CLVS1: variants seen among roughly 807,000 people sequenced by gnomAD.
The protein encoded by CLVS1 is clavesin 1.
Under a neutral mutation model 33.1 loss-of-function variants are expected in CLVS1, and 10 were observed. That is an observed-to-expected ratio of 0.30 (90% CI 0.19 to 0.51). The LOEUF (loss-of-function observed/expected upper bound fraction) is 0.51, where lower values mean the gene tolerates loss of function less well. Ranked by LOEUF, CLVS1 falls within the 20% of genes least tolerant of loss-of-function variation. CLVS1 has a pLI of 0.97. For missense variants in CLVS1, 343 were observed against 433.4 expected, an observed-to-expected ratio of 0.79 and a Z score of 1.85; for synonymous variants, 163 against 166.1, an observed-to-expected ratio of 0.98 and a Z score of 0.14.
chr8:61,428,620 T>C (rs1815986647), intron 3 of CLVS1, among the ~76,000 whole-genome samples: 1 of 152,200 alleles, frequency 6.6e-6, no homozygotes, highest in Non-Finnish European at 1.5e-5. Flanking sequence ...AAAGGCACAT[T>C]CCTCCCCTTA....
intron 2 of CLVS1, among the ~76,000 whole-genome samples, chr8:61,273,573 G>A (rs890428995): frequency 1.9e-4 from 29 of 152,364 alleles, no homozygotes; most frequent in African/African-American, 6.5e-4. Flanking sequence ...GGCAATGGCG[G>A]GCGCCCCTCC....
the CLVS1 span, among the ~76,000 whole-genome samples, chr8:60,997,862 T>C: frequency 1.9e-3 from 290 of 152,182 alleles, no homozygotes; most frequent in Non-Finnish European, 3.7e-3. Flanking sequence ...ATAACTAATG[T>C]TCTAAGATTC....
chr8:61,405,111 T>C (rs985849594), intron 3 of CLVS1, among the ~76,000 whole-genome samples: 2 of 152,232 alleles, frequency 1.3e-5, no homozygotes, highest in African/African-American at 2.4e-5. Context: ...AGTGAATATA[T>C]GCACCAATTC....
At chr8:60,977,022 A>G in the CLVS1 span, among the ~76,000 whole-genome samples, 1 of 152,254 alleles carries the variant, frequency 6.6e-6, no homozygotes, top group Non-Finnish European at 1.5e-5. Flanking sequence ...CCAAACCCTC[A>G]GACACTTTTG....
chr8:61,030,106 C>T, the CLVS1 span, among the ~76,000 whole-genome samples: 95 of 152,274 alleles, frequency 6.2e-4, no homozygotes, highest in Non-Finnish European at 2.1e-4. Context: ...CTAGGCACAC[C>T]CTGGTGGGGA....
At chr8:61,389,864 G>T (rs184766523) in intron 3 of CLVS1, among the ~76,000 whole-genome samples, 51 of 152,330 alleles carry the variant, frequency 3.3e-4, no homozygotes, top group Admixed American at 7.8e-4. Context: ...TTGGTCATTT[G>T]TATATCTTGG....
intron 2 of CLVS1, among the ~76,000 whole-genome samples, chr8:61,211,611 A>G (rs1352139262): frequency 6.6e-6 from 1 of 152,232 alleles, no homozygotes; most frequent in Non-Finnish European, 1.5e-5. Context: ...ACTGTGTGCC[A>G]GGCAATGGTT....
chr8:61,182,152 C>T (rs947873806), intron 2 of CLVS1, among the ~76,000 whole-genome samples: 1 of 152,092 alleles, frequency 6.6e-6, no homozygotes, highest in African/African-American at 2.4e-5. Context: ...AACTGGACCC[C>T]TTCCTTACAC....
intron 3 of CLVS1, among the ~76,000 whole-genome samples, chr8:61,442,790 G>A (rs1329335049): frequency 6.6e-6 from 1 of 152,106 alleles, no homozygotes; most frequent in African/African-American, 2.4e-5. Context: ...AATACAGATG[G>A]GGTTTCACCA....
chr8:61,482,509 A>C (rs1818235879), intron 5 of CLVS1, among the ~76,000 whole-genome samples: 1 of 152,228 alleles, frequency 6.6e-6, no homozygotes, highest in Non-Finnish European at 1.5e-5. Flanking sequence ...AGAAGTCCTT[A>C]AATGACCTAA....
In CLVS1 at chr8:61,288,049, G is replaced by A. The variant is rs1809832378; in HGVS notation, c.-241G>A. 4.4e-6 allele frequency: 2 copies of A among 453,574 alleles called. No individual in the cohort carries two copies. The highest frequency in any genetic ancestry group is 1.6e-5 in the South Asian group (1 of 64,214). The allele number at this position is 453,574 out of a possible 1,614,324, so 28.1% of individuals were successfully genotyped here. A position where few individuals can be genotyped will look rare whatever the true frequency, so the allele number is the denominator to read the frequency against. On this transcript the variant is annotated 5_prime_UTR_variant, in exon 1 of 6. Coordinates refer to ENST00000325897, the MANE Select transcript of CLVS1 (RefSeq NM_173519.3). ...TCTAGAGAAATCTGAGCCCGAACCT[G>A]CCAGAATAGGGGATCTCACCCACCC... is the stretch of plus-strand genomic sequence containing the variant.
intron 2 of CLVS1, among the ~76,000 whole-genome samples, chr8:61,224,452 TG>T (rs1808286392): frequency 6.6e-6 from 1 of 152,168 alleles, no homozygotes; most frequent in Admixed American, 6.5e-5. Flanking sequence ...TGCAGTTTGC[TG>T]GGGGTTCACT....
At chr8:61,448,486 T>G (rs572941171) in intron 3 of CLVS1, among the ~76,000 whole-genome samples, 16 of 152,284 alleles carry the variant, frequency 1.1e-4, no homozygotes, top group Non-Finnish European at 1.8e-4. Context: ...TTTCTATCTT[T>G]CAGTTCACTG....
At chr8:61,427,124 A>T (rs181292738) in intron 3 of CLVS1, among the ~76,000 whole-genome samples, 204 of 152,332 alleles carry the variant, frequency 1.3e-3, no homozygotes, top group African/African-American at 4.5e-3. Context: ...AGTTGATTAG[A>T]GTTTTGTTTG....
At chr8:61,102,764 T>C (rs771077618) in intron 1 of CLVS1, among the ~76,000 whole-genome samples, 8 of 150,664 alleles carry the variant, frequency 5.3e-5, no homozygotes, top group Non-Finnish European at 1.0e-4. Context: ...CTTATGAATA[T>C]AGGAAAAAGG....
chr8:61,426,991 A>G (rs901880886), intron 3 of CLVS1, among the ~76,000 whole-genome samples: 2 of 152,236 alleles, frequency 1.3e-5, no homozygotes, highest in African/African-American at 4.8e-5. Flanking sequence ...GCAAAATAGT[A>G]TCATTTAAAG....
intron 3 of CLVS1, among the ~76,000 whole-genome samples, chr8:61,394,147 G>A (rs569220439): frequency 6.6e-6 from 1 of 152,334 alleles, no homozygotes; most frequent in South Asian, 2.1e-4. Flanking sequence ...AGGAGTTCTA[G>A]ACCAGCCTTG....
At chr8:61,110,162 C>T (rs750533523) in intron 1 of CLVS1, among the ~76,000 whole-genome samples, 1 of 152,170 alleles carries the variant, frequency 6.6e-6, no homozygotes, top group Non-Finnish European at 1.5e-5. Flanking sequence ...ATTAATCCCC[C>T]TCCCACCACC....
intron 1 of CLVS1, chr8:61,292,148 G>A (rs186773881): frequency 3.5e-5 from 10 of 287,112 alleles, no homozygotes; most frequent in African/African-American, 1.5e-4. Context: ...TCACTTTTAC[G>A]TCTGACTATT....
Sources: gnomAD v4.1 joint callset for allele counts (sites outside exome capture counted in the v4.1 genomes callset) on GRCh38, gnomAD v4.1.1 for gene constraint, MANE v1.5 for transcripts, NCBI Gene and HGNC (gene_info 2026-07-23, HGNC 2026-07-21) for gene names.